Variants in HHIPL1 observed in about 807,000 individuals in gnomAD.
HHIPL1 encodes HHIP-like protein 1.
A neutral mutation model predicts 61.8 loss-of-function variants in HHIPL1; 43 were observed. The ratio of observed to expected loss-of-function variants is 0.70; its 90% CI spans 0.55 to 0.90. The LOEUF (loss-of-function observed/expected upper bound fraction) is 0.90. Ranked by LOEUF, HHIPL1 falls within the 40% of genes least tolerant of loss-of-function variation. HHIPL1 has a pLI of 0.00. For missense variants in HHIPL1, 1,056 were observed against 1,157.7 expected (o/e 0.91, Z 1.28); for synonymous variants, 482 against 515.8 (o/e 0.93, Z 0.89).
the HHIPL1 span, among the ~76,000 whole-genome samples, chr14:99,627,274 A>G: frequency 8.6e-3 from 1,298 of 151,130 alleles, 21 homozygotes; most frequent in African/African-American, 0.03. The surrounding 1 kb of genome is among the most constrained non-coding windows in gnomAD (Gnocchi z 4.4). Flanking sequence ...CTATCCACCT[A>G]TCTGTTCATC....
chr14:99,616,534 G>A, the HHIPL1 span, among the ~76,000 whole-genome samples: 1 of 152,314 alleles, frequency 6.6e-6, no homozygotes, highest in East Asian at 1.9e-4. Flanking sequence ...AAGCTGGAGA[G>A]TCAATAAAGA....
chr14:99,604,562 C>T, the HHIPL1 span: 1 of 152,170 alleles, frequency 6.6e-6, no homozygotes, highest in Non-Finnish European at 1.5e-5. Flanking sequence ...TTTCTGCGCC[C>T]GGAGGACGCG....
the HHIPL1 span, among the ~76,000 whole-genome samples, chr14:99,631,126 C>CTCTCTCTCTCTCTTTCTTTCT: frequency 1.5e-5 from 2 of 132,198 alleles, no homozygotes; most frequent in African/African-American, 5.8e-5. Flanking sequence ...TTCTTTCTTT[C>CTCTCTCTCTCTCTTTCTTTCT]TTTTTTTTTT....
upstream of HHIPL1, among the ~76,000 whole-genome samples, chr14:99,644,093 C>G (rs2055788692): frequency 6.6e-6 from 1 of 152,194 alleles, no homozygotes; most frequent in Admixed American, 6.5e-5. Context: ...TGCACCTGTT[C>G]AGGCCAGAGC....
intron 6 of HHIPL1, among the ~76,000 whole-genome samples, chr14:99,667,694 G>A (rs1012462094): frequency 2.0e-5 from 3 of 152,168 alleles, no homozygotes; most frequent in Non-Finnish European, 4.4e-5. Flanking sequence ...CCCGGATGAC[G>A]CCTGCAATCA....
chr14:99,609,624 T>C, the HHIPL1 span, among the ~76,000 whole-genome samples: 1 of 152,272 alleles, frequency 6.6e-6, no homozygotes, highest in Middle Eastern at 3.4e-3. Context: ...GGAAACCGCA[T>C]GAAGCTGGGA....
the HHIPL1 span, among the ~76,000 whole-genome samples, chr14:99,639,409 A>T: frequency 6.6e-6 from 1 of 151,930 alleles, no homozygotes; most frequent in African/African-American, 2.4e-5. Context: ...AAGTGCAGTG[A>T]TCATGGCTCA....
At chr14:99,622,100 G>A in the HHIPL1 span, among the ~76,000 whole-genome samples, 1 of 152,030 alleles carries the variant, frequency 6.6e-6, no homozygotes, top group Non-Finnish European at 1.5e-5. Context: ...TTGACCTTTT[G>A]CTCCTGAAAG....
At chr14:99,613,251 CTTCTT>C in the HHIPL1 span, among the ~76,000 whole-genome samples, 15 of 151,674 alleles carry the variant, frequency 9.9e-5, no homozygotes, top group African/African-American at 3.6e-4. Flanking sequence ...CAGTGACAAA[CTTCTT>C]TTTGTTTTTT....
At chr14:99,671,506 C>A (rs747433485) in intron 7 of HHIPL1, among the ~76,000 whole-genome samples, 1 of 152,182 alleles carries the variant, frequency 6.6e-6, no homozygotes, top group Non-Finnish European at 1.5e-5. Flanking sequence ...GAGGCCACTC[C>A]GTGTCACGTG....
chr14:99,614,238 G>A, the HHIPL1 span, among the ~76,000 whole-genome samples: 1 of 152,282 alleles, frequency 6.6e-6, no homozygotes, highest in Admixed American at 6.5e-5. Context: ...TCGAGAAAGG[G>A]CTGAGTCCTG....
the HHIPL1 span, among the ~76,000 whole-genome samples, chr14:99,605,947 T>A: frequency 6.6e-6 from 1 of 151,950 alleles, no homozygotes; most frequent in Admixed American, 6.5e-5. Flanking sequence ...GGCCAGATCA[T>A]GTATGATTCC....
the HHIPL1 span, among the ~76,000 whole-genome samples, chr14:99,613,889 C>T: frequency 2.6e-5 from 4 of 151,676 alleles, no homozygotes; most frequent in Non-Finnish European, 4.4e-5. Context: ...ACAGCCTGGG[C>T]GACAGAGTGA....
At chr14:99,623,526 A>G in the HHIPL1 span, among the ~76,000 whole-genome samples, 1 of 152,026 alleles carries the variant, frequency 6.6e-6, no homozygotes, top group Non-Finnish European at 1.5e-5. Context: ...TGGTCCTCCC[A>G]CCTCAGCCTC....
chr14:99,673,230 G>T (rs973981704), intron 8 of HHIPL1, among the ~76,000 whole-genome samples: 2 of 152,114 alleles, frequency 1.3e-5, no homozygotes, highest in Admixed American at 1.3e-4. Flanking sequence ...GGGTAGAGGG[G>T]GAAGGGTCTG....
At position 99,652,353 on chromosome 14, in the gene HHIPL1, C is replaced by T. The variant is rs750179559; in HGVS notation, c.385C>T (p.Leu129=). The T allele has an allele frequency of 1.2e-6, 2 of 1,614,216 alleles. No homozygotes were observed. The highest frequency in any genetic ancestry group is 1.7e-5 in the Admixed American group (1 of 60,032). ...TAAGTGCCGGGGGCTGTTCCGTCAC[C>T]TGTCAACTGACCAGGAGCTCTGGGC... is the stretch of plus-strand genomic sequence containing the variant. ...WHKCRGLFRH[L]STDQELWALE... Residue 129 remains leucine, a synonymous_variant, in exon 2 of 9, where the codon CTG becomes TTG. Coordinates refer to ENST00000330710, the MANE Select transcript of HHIPL1 (RefSeq NM_001127258.3).
At chr14:99,646,103 C>T (rs1215082602) in intron 1 of HHIPL1, among the ~76,000 whole-genome samples, 1 of 152,274 alleles carries the variant, frequency 6.6e-6, no homozygotes, top group Non-Finnish European at 1.5e-5. Context: ...GTTGAAGCCC[C>T]TGGGCCCCCC....
At chr14:99,605,379 G>A in the HHIPL1 span, among the ~76,000 whole-genome samples, 9 of 145,470 alleles carry the variant, frequency 6.2e-5, no homozygotes, top group Admixed American at 4.7e-4. Flanking sequence ...AGGCGGGGCG[G>A]GGCGGGGCGG....
In HHIPL1 at chr14:99,677,742, T is replaced by G. The variant is rs1188142456; in HGVS notation, c.*2116T>G. 4 of 152,240 alleles carry G rather than the reference T, an allele frequency of 2.6e-5. No homozygotes were observed. In the East Asian group the frequency reaches 7.7e-4, roughly 29 times the overall value. 9.4% of individuals were successfully genotyped at this position (152,240 alleles called of 1,614,324 possible). A position where few individuals can be genotyped will look rare whatever the true frequency, so the allele number is the denominator to read the frequency against. On this transcript the variant is annotated 3_prime_UTR_variant, in exon 9 of 9. Coordinates refer to ENST00000330710, the MANE Select transcript of HHIPL1 (RefSeq NM_001127258.3). This position sits in a 1 kb window ranked among gnomAD's most constrained non-coding sequence, Gnocchi z 4.3. Reference sequence around the variant, plus strand: ...CCCCAGAAGCTGTTTTGCTCAGAGCTGGATTAGGAGGGTTGGCAAAGGGAG... The same window carrying G: ...CCCCAGAAGCTGTTTTGCTCAGAGCGGGATTAGGAGGGTTGGCAAAGGGAG...
Sources: allele counts gnomAD v4.1 joint callset (sites outside exome capture counted in the v4.1 genomes callset), GRCh38; gene constraint gnomAD v4.1.1; non-coding constraint Gnocchi (gnomAD v3.1); transcripts MANE v1.5; gene names NCBI Gene and HGNC (gene_info 2026-07-23, HGNC 2026-07-21).